MAGI2: variants seen among roughly 807,000 people sequenced by gnomAD.
MAGI2 encodes the protein membrane associated guanylate kinase, WW and PDZ domain containing 2.
A neutral mutation model predicts 133.3 loss-of-function variants in MAGI2; 35 were observed. The observed-to-expected ratio is 0.26, with a 90% confidence interval of 0.20 to 0.35. MAGI2 has a LOEUF of 0.35. Among genes scored for constraint, MAGI2 ranks in the 10% least tolerant of loss-of-function variants. MAGI2 has a pLI of 1.00. For synonymous variants in MAGI2, 729 were observed against 710.6 expected (o/e 1.03, Z -0.41); for missense variants, 1,636 against 1,863.4 (o/e 0.88, Z 2.25).
intron 1 of MAGI2, among the ~76,000 whole-genome samples, chr7:79,037,833 T>C (rs1158699701): frequency 3.9e-5 from 6 of 152,222 alleles, no homozygotes; most frequent in Non-Finnish European, 8.8e-5. Flanking sequence ...GTCATTATTC[T>C]TAAACTGGAA....
At chr7:78,611,305 GT>G (rs1806415684) in intron 3 of MAGI2, among the ~76,000 whole-genome samples, 1 of 151,884 alleles carries the variant, frequency 6.6e-6, no homozygotes, top group African/African-American at 2.4e-5. Context: ...CTTTTTCCTT[GT>G]TTCACTCCTT....
In MAGI2 at chr7:79,411,323, A is replaced by G. The variant is rs560233961; in HGVS notation, c.301+41697T>C. ...CAGCTGACCTTTAAATAGGGAGATT[A>G]CCCTAGCTACACAGGTGAGCCCAAT... On this transcript the variant is annotated intron_variant, in intron 1 of 21. Coordinates refer to ENST00000354212, the MANE Select transcript of MAGI2 (RefSeq NM_012301.4). 4 of 152,304 alleles carry G rather than the reference A, an allele frequency of 2.6e-5. No individual in the cohort carries two copies. The East Asian group carries it at 5.8e-4, about 22-fold the overall frequency. 9.4% of individuals were successfully genotyped at this position (152,304 alleles called of 1,614,324 possible). A position where few individuals can be genotyped will look rare whatever the true frequency, so the allele number is the denominator to read the frequency against.
intron 2 of MAGI2, among the ~76,000 whole-genome samples, chr7:78,673,293 GACAC>G (rs373754911): frequency 6.6e-6 from 1 of 150,904 alleles, no homozygotes; most frequent in Non-Finnish European, 1.5e-5. Flanking sequence ...CACACACACA[GACAC>G]ACACACACAC....
At chr7:78,086,239 A>AT (rs1816621793) in intron 20 of MAGI2, among the ~76,000 whole-genome samples, 8 of 126,740 alleles carry the variant, frequency 6.3e-5, no homozygotes, top group African/African-American at 8.7e-5. Flanking sequence ...TTAATTTTTA[A>AT]TGTTTTTTTT....
At chr7:79,228,215 G>A (rs961989042) in intron 1 of MAGI2, among the ~76,000 whole-genome samples, 9 of 151,322 alleles carry the variant, frequency 5.9e-5, no homozygotes, top group Non-Finnish European at 1.3e-4. Context: ...GTGGTGGCAT[G>A]TACCTGTAGT....
At chr7:78,607,994 A>G (rs990880115) in intron 3 of MAGI2, among the ~76,000 whole-genome samples, 1 of 152,202 alleles carries the variant, frequency 6.6e-6, no homozygotes, top group Non-Finnish European at 1.5e-5. Context: ...TCTCTTGAAC[A>G]TGTTCCAATA....
chr7:78,063,547 G>A (rs6465988), intron 21 of MAGI2, among the ~76,000 whole-genome samples: 78,647 of 151,944 alleles, frequency 0.52, 20,848 homozygotes, highest in East Asian at 0.7. Flanking sequence ...CAGCCAGAAG[G>A]CTATTTTTTA....
At chr7:78,492,609 T>C (rs1793725066) in intron 5 of MAGI2, among the ~76,000 whole-genome samples, 2 of 152,164 alleles carry the variant, frequency 1.3e-5, no homozygotes, top group African/African-American at 2.4e-5. Flanking sequence ...GGAAACTGTG[T>C]TCAGAATGGG....
At chr7:78,250,223 T>C (rs1328824838) in intron 10 of MAGI2, among the ~76,000 whole-genome samples, 8 of 152,108 alleles carry the variant, frequency 5.3e-5, no homozygotes, top group Non-Finnish European at 1.0e-4. Flanking sequence ...ACAATGAAAT[T>C]ATTAGAAATC....
intron 3 of MAGI2, among the ~76,000 whole-genome samples, chr7:78,605,865 G>A (rs1248307325): frequency 6.6e-6 from 1 of 152,160 alleles, no homozygotes; most frequent in East Asian, 1.9e-4. Context: ...GTGACGGGAG[G>A]TACTCGAGCA....
chr7:79,044,192 G>A (rs1026247734), intron 1 of MAGI2, among the ~76,000 whole-genome samples: 11 of 152,068 alleles, frequency 7.2e-5, no homozygotes, highest in Admixed American at 7.2e-4. Flanking sequence ...TAAAATATTA[G>A]CATCCCAAAT....
At chr7:78,910,090 A>C (rs948274887) in intron 2 of MAGI2, among the ~76,000 whole-genome samples, 1 of 151,932 alleles carries the variant, frequency 6.6e-6, no homozygotes, top group Admixed American at 6.6e-5. Context: ...AACAATGAGA[A>C]CACATGGACA....
At chr7:78,409,419 C>T (rs992076985) in intron 6 of MAGI2, among the ~76,000 whole-genome samples, 26 of 152,076 alleles carry the variant, frequency 1.7e-4, no homozygotes, top group African/African-American at 5.1e-4. Context: ...TTTAAATCCA[C>T]GCCCAACAGA....
chr7:79,289,116 T>C (rs967374214), intron 1 of MAGI2, among the ~76,000 whole-genome samples: 3 of 152,194 alleles, frequency 2.0e-5, no homozygotes, highest in Non-Finnish European at 2.9e-5. Context: ...TGCAGCCTTG[T>C]GTTCTCTGCT....
chr7:79,397,264 C>T (rs7788509), intron 1 of MAGI2, among the ~76,000 whole-genome samples: 37,126 of 150,688 alleles, frequency 0.25, 5,937 homozygotes, highest in African/African-American at 0.44. Context: ...TGGCATCAGA[C>T]TTATCAACAT....
rs1440806832 is a variant in MAGI2, at chr7:78,161,682, AAAAAAG to A, written c.2597-1415_2597-1410del. 1.0e-4 allele frequency among the ~76,000 whole-genome samples: 15 copies of A among 146,074 alleles called. 1 individual carries two copies. In the East Asian group the frequency reaches 1.1e-3, roughly 11 times the overall value. On this transcript the variant is annotated intron_variant, in intron 15 of 21. Coordinates refer to ENST00000354212, the MANE Select transcript of MAGI2 (RefSeq NM_012301.4). ...CATCGATACCTAAAAAAAAAAAAAA[AAAAAAG>A]AAAAAAAAAAAGCTGTATTTGTTTA...
intron 21 of MAGI2, among the ~76,000 whole-genome samples, chr7:78,052,156 G>GC (rs57670119): frequency 0.18 from 27,402 of 151,954 alleles, 3,572 homozygotes; most frequent in African/African-American, 0.36. Context: ...GAGCTACTGT[G>GC]CCAGCTGTTA....
intron 14 of MAGI2, among the ~76,000 whole-genome samples, chr7:78,171,409 G>C (rs1432723685): frequency 6.6e-6 from 1 of 152,142 alleles, no homozygotes; most frequent in Admixed American, 6.5e-5. Context: ...AAACAGTTCT[G>C]GACCCACCCC....
chr7:78,841,549 T>A (rs551798492), intron 2 of MAGI2, among the ~76,000 whole-genome samples: 63 of 152,090 alleles, frequency 4.1e-4, no homozygotes, highest in Non-Finnish European at 7.4e-4. Context: ...TCCCCTCTTG[T>A]ACTTTGACAA....
Sources: gnomAD v4.1 joint callset for allele counts (sites outside exome capture counted in the v4.1 genomes callset) on GRCh38, gnomAD v4.1.1 for gene constraint, MANE v1.5 for transcripts, NCBI Gene and HGNC (gene_info 2026-07-23, HGNC 2026-07-21) for gene names.